SMG1: variants seen among roughly 807,000 people sequenced by gnomAD.
SMG1 encodes serine/threonine-protein kinase SMG1.
Under a neutral mutation model 419.9 loss-of-function variants are expected in SMG1, and 22 were observed. The observed-to-expected ratio is 0.05, with a 90% CI of 0.04 to 0.07. The LOEUF (loss-of-function observed/expected upper bound fraction) is 0.07, where lower values mean the gene tolerates loss of function less well. Among genes scored for constraint, SMG1 ranks in the 10% least tolerant of loss-of-function variants. The pLI is 1.00. For synonymous variants in SMG1, 1,538 were observed against 1,553.5 expected, an observed-to-expected ratio of 0.99 and a Z score of 0.23; for missense variants, 3,185 against 4,342.0, an observed-to-expected ratio of 0.73 and a Z score of 7.49.
At chr16:18,923,122 A>G (rs1435288721) in intron 1 of SMG1, among the ~76,000 whole-genome samples, 1 of 152,158 alleles carries the variant, frequency 6.6e-6, no homozygotes, top group Non-Finnish European at 1.5e-5. Flanking sequence ...ACAGTGAATG[A>G]AAAGGAAGAC....
rs932170173 is a variant in SMG1 at position 18,805,714 on chromosome 16, AC to A, written c.*3854del. ...TTGAAAACAAAATCTACCTTCTTTA[AC>A]CCTTGTATTAGTAATTCTACCTCCT... On this transcript the variant is annotated 3_prime_UTR_variant, in exon 63 of 63. Coordinates refer to ENST00000446231, the MANE Select transcript of SMG1 (RefSeq NM_015092.5). The A allele has an allele frequency of 1.3e-4, 20 of 152,114 alleles. No homozygotes were observed. Among genetic ancestry groups the A allele is most frequent in the African/African-American group, 4.6e-4 (19 of 41,414 alleles). The allele number at this position is 152,114 out of a possible 1,614,324, so 9.4% of individuals were successfully genotyped here.
intron 1 of SMG1, among the ~76,000 whole-genome samples, chr16:18,905,596 T>G (rs535585567): frequency 6.7e-6 from 1 of 149,978 alleles, no homozygotes; most frequent in South Asian, 2.1e-4. Context: ...ATCCAAGTAT[T>G]CTCCTCCTTC....
At chr16:18,905,175 C>G (rs911132393) in intron 1 of SMG1, among the ~76,000 whole-genome samples, 2 of 152,118 alleles carry the variant, frequency 1.3e-5, no homozygotes, top group Admixed American at 1.3e-4. Flanking sequence ...GCAGGAGAAC[C>G]ACTTGAACCC....
intron 60 of SMG1, among the ~76,000 whole-genome samples, chr16:18,814,492 T>C (rs1427505358): frequency 6.6e-6 from 1 of 151,968 alleles, no homozygotes; most frequent in East Asian, 1.9e-4. Flanking sequence ...AGAGACAGTT[T>C]TGAGACTCCG....
intron 1 of SMG1, among the ~76,000 whole-genome samples, chr16:18,907,575 C>T (rs187647426): frequency 1.1e-4 from 16 of 152,120 alleles, no homozygotes; most frequent in Non-Finnish European, 1.9e-4. Flanking sequence ...CTTCGCTGGG[C>T]ACAGTGGCTC....
intron 6 of SMG1, among the ~76,000 whole-genome samples, chr16:18,886,024 T>C (rs1243089630): frequency 6.6e-6 from 1 of 152,186 alleles, no homozygotes; most frequent in Non-Finnish European, 1.5e-5. Context: ...TAAAAACAAA[T>C]ACTGTTTTCT....
chr16:18,869,743 T>C (rs1210943991), intron 19 of SMG1, 111 bp downstream of exon 19: 1 of 845,884 alleles, frequency 1.2e-6, no homozygotes, highest in Non-Finnish European at 1.9e-6. Flanking sequence ...AGAAGAATGT[T>C]ACTTGATACT....
At chr16:18,884,267 G>A in intron 8 of SMG1, 100 bp from the exon 9 acceptor site, 2 of 557,268 alleles carry the variant, frequency 3.6e-6, no homozygotes, top group South Asian at 2.9e-5. Context: ...GAGGTATCTG[G>A]TTTTCAAGCA....
At chr16:18,845,036 G>A (rs1305823307) in intron 39 of SMG1, among the ~76,000 whole-genome samples, 3 of 152,188 alleles carry the variant, frequency 2.0e-5, no homozygotes, top group African/African-American at 7.2e-5. Flanking sequence ...TTATCTGTTA[G>A]AAATACTGAA....
intron 22 of SMG1, among the ~76,000 whole-genome samples, chr16:18,867,526 A>T (rs371628400): frequency 7.0e-6 from 1 of 142,078 alleles, no homozygotes; most frequent in Non-Finnish European, 1.5e-5. Flanking sequence ...TGTGTCTCAA[A>T]AAATAAATAA....
At chr16:18,904,629 T>G (rs1163640816) in intron 1 of SMG1, among the ~76,000 whole-genome samples, 5 of 145,582 alleles carry the variant, frequency 3.4e-5, no homozygotes, top group Non-Finnish European at 7.5e-5. Flanking sequence ...AGAGCAAGAC[T>G]CTGTCTCAAA....
At chr16:18,835,403 G>A (rs2033493540) in intron 48 of SMG1, among the ~76,000 whole-genome samples, 1 of 152,164 alleles carries the variant, frequency 6.6e-6, no homozygotes, top group East Asian at 1.9e-4. Context: ...ACTTTGGGAG[G>A]CCAAGGCAGG....
rs754335815 is a variant in SMG1 at position 18,852,150 on chromosome 16, G to A, written c.4969C>T (p.Leu1657Phe). The A allele has an allele frequency of 5.0e-6, 8 of 1,613,866 alleles. No individual in the cohort carries two copies. Among genetic ancestry groups the A allele is most frequent in the Non-Finnish European group, 5.1e-6 (6 of 1,179,864 alleles). ...TCTTCCTCAGTTATAGTGTCTGGAA[G>A]TAGATTCTGAACTTCAGATTTTTCT... ...PREKSEVQNL[L>F]PDTITEEEKE... Residue 1657 changes from leucine (L) to phenylalanine (F), a missense_variant, in exon 33 of 63, where the codon CTT becomes TTT. By Grantham distance (22) the Leu-to-Phe change is conservative (BLOSUM62 0). This residue lies in a region of SMG1 where 493 missense variants were observed against 552.9 expected (regional missense o/e 0.89). Transcript: ENST00000446231.
intron 50 of SMG1, among the ~76,000 whole-genome samples, chr16:18,833,758 A>ACCT (rs971811778): frequency 6.6e-6 from 1 of 151,788 alleles, no homozygotes; most frequent in Admixed American, 6.6e-5. Flanking sequence ...TCTCCATACC[A>ACCT]CCTCCTCCAT....
chr16:18,849,103 A>ACC, intron 36 of SMG1, 114 bp downstream of exon 36: 1 of 329,992 alleles, frequency 3.0e-6, no homozygotes, highest in Admixed American at 5.4e-5. Context: ...AAAAAAAAAA[A>ACC]AAACCCTACA....
In SMG1 at chr16:18,896,910, A is replaced by T; in HGVS notation, c.139T>A (p.Ser47Thr). The part of the protein sequence containing the change: ...ADPDNLKYSS[S>T]RDRGGSSSYG... ...GAGGAAGAACCACCTCTATCTCTGGATGAAGAATATTTTAAATTATCTGGG... is the reference window on the plus strand; with the variant it reads ...GAGGAAGAACCACCTCTATCTCTGGTTGAAGAATATTTTAAATTATCTGGG... Residue 47 changes from serine to threonine, a missense_variant, in exon 2 of 63, where the codon TCC becomes ACC. This residue lies in a region of SMG1 where 88 missense variants were observed against 85.9 expected (regional missense o/e 1.02). Transcript: ENST00000446231. 1 of 1,598,684 alleles carries T rather than the reference A, an allele frequency of 6.3e-7. No homozygotes were observed. Among genetic ancestry groups the T allele is most frequent in the South Asian group, 1.1e-5 (1 of 89,450 alleles).
At chr16:18,872,738 C>CT in intron 13 of SMG1, 114 bp from the exon 14 acceptor site, 1 of 934,808 alleles carries the variant, frequency 1.1e-6, no homozygotes, top group South Asian at 1.7e-5. Flanking sequence ...AAATTACAGA[C>CT]TGCAAGGGAT....
intron 1 of SMG1, among the ~76,000 whole-genome samples, chr16:18,909,954 T>C (rs899417535): frequency 3.3e-5 from 5 of 152,044 alleles, no homozygotes; most frequent in Admixed American, 6.6e-5. Flanking sequence ...TTTAATCAGA[T>C]TGACATAAGT....
Position 18,878,929 on chromosome 16 carries a change from G to A in SMG1, c.1518+566C>T, listed in dbSNP as rs561853929. On this transcript the variant is annotated intron_variant, in intron 11 of 62. Coordinates refer to ENST00000446231, the MANE Select transcript of SMG1 (RefSeq NM_015092.5). ...GGGGGCTGAGGTGGGAGGATCACCTGAGCCCAAGAGGTCAAGGCTGCAGTG... is the reference window on the plus strand; with the variant it reads ...GGGGGCTGAGGTGGGAGGATCACCTAAGCCCAAGAGGTCAAGGCTGCAGTG... 1.6e-3 allele frequency: 266 copies of A among 161,798 alleles called. 1 individual carries two copies. The highest frequency in any genetic ancestry group is 3.1e-3 in the Non-Finnish European group (224 of 73,366). 10.0% of individuals were successfully genotyped at this position (161,798 alleles called of 1,614,324 possible).
Sources: allele counts gnomAD v4.1 joint callset (sites outside exome capture counted in the v4.1 genomes callset), GRCh38; gene constraint gnomAD v4.1.1; regional missense constraint gnomAD v4.1.1; transcripts MANE v1.5; gene names NCBI Gene and HGNC (gene_info 2026-07-23, HGNC 2026-07-21).